Variants in SULT1B1 observed in about 807,000 individuals in gnomAD.
SULT1B1 encodes the protein sulfotransferase 1B1.
A neutral mutation model predicts 34.6 loss-of-function variants in SULT1B1; 28 were observed. The observed-to-expected ratio is 0.81, with a 90% CI of 0.60 to 1.11. SULT1B1 has a LOEUF of 1.11. SULT1B1 is among the 50% of genes least tolerant of loss of function. The pLI is 0.00. For synonymous variants in SULT1B1, 147 were observed against 110.2 expected (o/e 1.33, Z -2.09); for missense variants, 374 against 352.2 (o/e 1.06, Z -0.50).
chr4:69,745,736 T>G (rs1382321614), intron 4 of SULT1B1, among the ~76,000 whole-genome samples: 1 of 152,188 alleles, frequency 6.6e-6, no homozygotes, highest in African/African-American at 2.4e-5. Flanking sequence ...TATGTGAAGA[T>G]TTGATCCTGT....
In SULT1B1 at chr4:69,726,171, G is replaced by T. The variant is rs1156567773; in HGVS notation, c.*917C>A. 1 of 149,176 alleles carries T rather than the reference G, an allele frequency of 6.7e-6. No homozygotes were observed. Among genetic ancestry groups the T allele is most frequent in the Non-Finnish European group, 1.5e-5 (1 of 67,286 alleles). The allele number at this position is 149,176 out of a possible 1,614,324, so 9.2% of individuals were successfully genotyped here. A position where few individuals can be genotyped will look rare whatever the true frequency, so the allele number is the denominator to read the frequency against. On this transcript the variant is annotated 3_prime_UTR_variant, in exon 8 of 8. Coordinates refer to ENST00000310613, the MANE Select transcript of SULT1B1 (RefSeq NM_014465.4). ...GAAGGAACATTGGGTCAAGAGGGCAGAGTGGAGATTCAGCCTAGAGAGTCT... is the reference window on the plus strand; with the variant it reads ...GAAGGAACATTGGGTCAAGAGGGCATAGTGGAGATTCAGCCTAGAGAGTCT...
chr4:69,749,126 G>A (rs539464547), intron 4 of SULT1B1, among the ~76,000 whole-genome samples: 1 of 151,888 alleles, frequency 6.6e-6, no homozygotes, highest in Admixed American at 6.6e-5. Context: ...AAAAAAGAAG[G>A]AGAAGGCACA....
intron 3 of SULT1B1, among the ~76,000 whole-genome samples, chr4:69,750,174 A>G (rs1718924041): frequency 6.6e-6 from 1 of 152,144 alleles, no homozygotes; most frequent in Non-Finnish European, 1.5e-5. Context: ...ATTGCTATAA[A>G]TGACTATTTA....
intron 5 of SULT1B1, 42 bp from the exon 6 acceptor site, chr4:69,733,549 A>C: frequency 4.3e-6 from 6 of 1,405,862 alleles, no homozygotes; most frequent in Non-Finnish European, 5.9e-6. Context: ...CATTCATCAA[A>C]TTAAATATTT....
Position 69,726,958 on chromosome 4 carries a change from A to G in SULT1B1, c.*130T>C. 1 of 580,326 alleles carries G rather than the reference A, an allele frequency of 1.7e-6. No homozygotes were observed. Among genetic ancestry groups the G allele is most frequent in the East Asian group, 3.3e-5 (1 of 30,436 alleles). The allele number at this position is 580,326 out of a possible 1,614,324, so 35.9% of individuals were successfully genotyped here. On this transcript the variant is annotated 3_prime_UTR_variant, in exon 8 of 8. Coordinates refer to ENST00000310613, the MANE Select transcript of SULT1B1 (RefSeq NM_014465.4). ...GGATCTGATTAATAACATTGAAAAG[A>G]ATCAACATATTAAAAGCATATTATT... is the stretch of plus-strand genomic sequence containing the variant.
intron 7 of SULT1B1, among the ~76,000 whole-genome samples, chr4:69,728,667 A>G (rs1717936807): frequency 6.6e-6 from 1 of 151,630 alleles, no homozygotes; most frequent in Non-Finnish European, 1.5e-5. Flanking sequence ...GAAGAATGGA[A>G]GGAAGGAAGG....
intron 4 of SULT1B1, among the ~76,000 whole-genome samples, chr4:69,743,798 T>A (rs1560526631): frequency 6.6e-6 from 1 of 152,014 alleles, no homozygotes; most frequent in Non-Finnish European, 1.5e-5. Flanking sequence ...TGATCCGAGA[T>A]TGGAGTGTGT....
chr4:69,755,221 A>C lies in SULT1B1; in HGVS notation c.-4T>G, dbSNP rs1560532102. ...GAATATCTTTTGGGGAAAGCATTTT[A>C]ATACCAGATTGTACAAATATATAAT... On this transcript the variant is annotated 5_prime_UTR_variant, in exon 2 of 8. In the 5' UTR this introduces an upstream ATG that the reference lacks. Coordinates refer to ENST00000310613, the MANE Select transcript of SULT1B1 (RefSeq NM_014465.4). The C allele has an allele frequency of 1.2e-6, 2 of 1,612,596 alleles. No homozygotes were observed. Among genetic ancestry groups the C allele is most frequent in the Non-Finnish European group, 1.7e-6 (2 of 1,178,762 alleles).
intron 4 of SULT1B1, among the ~76,000 whole-genome samples, chr4:69,744,827 T>A (rs528511720): frequency 6.6e-6 from 1 of 152,238 alleles, no homozygotes; most frequent in African/African-American, 2.4e-5. Flanking sequence ...AGGTTGTTAA[T>A]GTGAGACCTT....
rs192791981 is a variant in SULT1B1, at chr4:69,750,376, C to A, written c.278-558G>T. ...TGTATAGACAGTAAAAATGTGTAATCTTTAGATATTAGCTTAACTCTCTAA... is the reference window on the plus strand; with the variant it reads ...TGTATAGACAGTAAAAATGTGTAATATTTAGATATTAGCTTAACTCTCTAA... On this transcript the variant is annotated intron_variant, in intron 3 of 7. Transcript: ENST00000310613. 2.0e-5 allele frequency among the ~76,000 whole-genome samples: 3 copies of A among 152,180 alleles called. No homozygotes were observed. In the East Asian group the frequency reaches 5.8e-4, roughly 29 times the overall value.
chr4:69,740,931 C>A (rs1718524028), intron 4 of SULT1B1, among the ~76,000 whole-genome samples: 1 of 152,010 alleles, frequency 6.6e-6, no homozygotes. Context: ...GTTGCAATTG[C>A]CTTTAGAGTC....
chr4:69,744,256 GGACT>G (rs1225983399), intron 4 of SULT1B1, among the ~76,000 whole-genome samples: 1 of 152,182 alleles, frequency 6.6e-6, no homozygotes, highest in Non-Finnish European at 1.5e-5. Context: ...TGGACTCTAG[GGACT>G]GACTGTCTCC....
At chr4:69,755,449 C>T (rs1422911713) in intron 1 of SULT1B1, among the ~76,000 whole-genome samples, 188 bp from the exon 2 acceptor site, 1 of 152,136 alleles carries the variant, frequency 6.6e-6, no homozygotes, top group Non-Finnish European at 1.5e-5. Context: ...CTGTGACAAG[C>T]AGGACAAAGG....
At chr4:69,744,901 C>A (rs1463087480) in intron 4 of SULT1B1, among the ~76,000 whole-genome samples, 2 of 152,104 alleles carry the variant, frequency 1.3e-5, no homozygotes. Flanking sequence ...AGCTATGTCT[C>A]AAAGATTCTG....
chr4:69,734,146 G>T lies in SULT1B1; in HGVS notation c.494C>A (p.Thr165Asn). Residue 165 changes from threonine to asparagine, a missense_variant, in exon 5 of 8, where the codon ACT (threonine) becomes AAT (asparagine). Physicochemically the swap from Thr to Asn is moderately conservative, Grantham distance 65. Transcript: ENST00000310613. ...TWEEYLEKFLTGKVAYGSWFT... is the reference protein window; with the variant it reads ...TWEEYLEKFLNGKVAYGSWFT... ...AGATAAAGTCCACATACCTTTTCCA[G>T]TTAAGAATTTCTCCAGATATTCTTC... 6.2e-7 allele frequency: 1 copy of T among 1,608,324 alleles called. No homozygotes were observed. Among genetic ancestry groups the T allele is most frequent in the South Asian group, 1.1e-5 (1 of 89,804 alleles).
chr4:69,747,987 G>T (rs72849867), intron 4 of SULT1B1, among the ~76,000 whole-genome samples: 2,353 of 151,894 alleles, frequency 0.015, 62 homozygotes, highest in African/African-American at 0.054. Context: ...TCTTTTTCAG[G>T]GGGAGAAGCT....
intron 2 of SULT1B1, 103 bp from the exon 3 acceptor site, chr4:69,754,901 C>T: frequency 2.9e-6 from 4 of 1,382,732 alleles, no homozygotes; most frequent in Non-Finnish European, 4.0e-6. Context: ...CTATTACAAA[C>T]TTAATTCCCC....
chr4:69,756,976 C>G (rs1474802471), intron 1 of SULT1B1, among the ~76,000 whole-genome samples: 1 of 149,552 alleles, frequency 6.7e-6, no homozygotes, highest in Non-Finnish European at 1.5e-5. Flanking sequence ...CACACACACA[C>G]ACAGACACAC....
chr4:69,748,225 G>A (rs1450730739), intron 4 of SULT1B1, among the ~76,000 whole-genome samples: 3 of 152,178 alleles, frequency 2.0e-5, no homozygotes. Context: ...GTAAAAACTA[G>A]GAGTGGCTAT....
Sources: gnomAD v4.1 joint callset for allele counts (sites outside exome capture counted in the v4.1 genomes callset) on GRCh38, gnomAD v4.1.1 for gene constraint, MANE v1.5 for transcripts, NCBI Gene and HGNC (gene_info 2026-07-23, HGNC 2026-07-21) for gene names.